Variants in TTI1 observed in about 807,000 individuals in gnomAD.
TTI1 encodes the protein TELO2-interacting protein 1 homolog.
A neutral mutation model predicts 85.4 loss-of-function variants in TTI1; 52 were observed. The ratio of observed to expected loss-of-function variants is 0.61; its 90% confidence interval spans 0.49 to 0.77. TTI1 has a LOEUF of 0.77. TTI1 is among the 30% of genes least tolerant of loss of function. The pLI is 0.00. For synonymous variants in TTI1, 512 were observed against 503.9 expected, an observed-to-expected ratio of 1.02 and a Z score of -0.22; for missense variants, 1,173 against 1,296.0, an observed-to-expected ratio of 0.91 and a Z score of 1.46.
intron 5 of TTI1, 23 bp downstream of exon 5, chr20:37,999,165 C>G: frequency 7.2e-7 from 1 of 1,387,592 alleles, no homozygotes; most frequent in South Asian, 1.9e-5. Context: ...CACAACAGAC[C>G]ATGGGGGATG....
intron 1 of TTI1, among the ~76,000 whole-genome samples, chr20:38,020,323 A>AAAAAAAAATATATAT: frequency 2.0e-4 from 10 of 50,384 alleles, no homozygotes; most frequent in African/African-American, 3.6e-4. Context: ...AAAAAAAAAA[A>AAAAAAAAATATATAT]ATATATATAT....
intron 7 of TTI1, chr20:37,987,427 C>CT (rs766594795): frequency 1.5e-4 from 67 of 437,484 alleles, no homozygotes; most frequent in Non-Finnish European, 2.7e-4. Flanking sequence ...CCAGTTCCAT[C>CT]TTTTTTCAAA....
At chr20:38,031,519 C>T (rs1363370086) in intron 1 of TTI1, among the ~76,000 whole-genome samples, 5 of 152,246 alleles carry the variant, frequency 3.3e-5, no homozygotes, top group Admixed American at 6.5e-5. Context: ...TACACATATA[C>T]ATTCCTTATC....
At chr20:38,011,449 C>G (rs150842586) in intron 2 of TTI1, 66 bp downstream of exon 2, 5 of 1,544,722 alleles carry the variant, frequency 3.2e-6, no homozygotes, top group Non-Finnish European at 4.4e-6. Context: ...AAAAACGAGG[C>G]TAAGCAAACT....
At chr20:38,003,701 G>A (rs967572611) in intron 3 of TTI1, among the ~76,000 whole-genome samples, 7 of 150,682 alleles carry the variant, frequency 4.6e-5, no homozygotes, top group Non-Finnish European at 1.0e-4. Flanking sequence ...GCAATGAGCC[G>A]AGATCGTGCC....
At chr20:37,985,947 C>T (rs903782674) in intron 7 of TTI1, among the ~76,000 whole-genome samples, 2 of 152,150 alleles carry the variant, frequency 1.3e-5, no homozygotes, top group African/African-American at 2.4e-5. Context: ...TCTAATTCAT[C>T]GTTTCCACTT....
chr20:38,006,432 A>G (rs2073501230), intron 2 of TTI1, 35 bp from the exon 3 acceptor site: 1 of 1,610,704 alleles, frequency 6.2e-7, no homozygotes, highest in South Asian at 1.1e-5. Context: ...CACCTTGGCT[A>G]TTAACAACAG....
intron 7 of TTI1, among the ~76,000 whole-genome samples, chr20:37,994,003 T>A (rs1250655427): frequency 6.6e-6 from 1 of 152,102 alleles, no homozygotes; most frequent in Non-Finnish European, 1.5e-5. Context: ...ATTTTCCAAG[T>A]GAGGTAGGCG....
At chr20:37,985,664 A>T (rs2073181182) in intron 7 of TTI1, among the ~76,000 whole-genome samples, 1 of 151,796 alleles carries the variant, frequency 6.6e-6, no homozygotes, top group Non-Finnish European at 1.5e-5. Context: ...AGTAGCTGGG[A>T]TTACAGGCAT....
intron 1 of TTI1, among the ~76,000 whole-genome samples, chr20:38,026,049 G>C (rs1466445810): frequency 6.6e-6 from 1 of 152,182 alleles, no homozygotes; most frequent in African/African-American, 2.4e-5. Context: ...AAGAAGCTGA[G>C]TGAACCCCAA....
chr20:37,998,194 C>T (rs1357943843), intron 5 of TTI1, among the ~76,000 whole-genome samples: 1 of 152,162 alleles, frequency 6.6e-6, no homozygotes, highest in Non-Finnish European at 1.5e-5. Flanking sequence ...TCCCAAAGTG[C>T]TGGGATTACA....
intron 2 of TTI1, among the ~76,000 whole-genome samples, chr20:38,009,627 A>G (rs2073552811): frequency 6.6e-6 from 1 of 151,852 alleles, no homozygotes; most frequent in Non-Finnish European, 1.5e-5. Flanking sequence ...CTACCTCCCA[A>G]GTAGCTGGAA....
At chr20:38,022,498 T>C (rs2073783206) in intron 1 of TTI1, among the ~76,000 whole-genome samples, 1 of 152,238 alleles carries the variant, frequency 6.6e-6, no homozygotes, top group East Asian at 1.9e-4. Flanking sequence ...CAATAAATGC[T>C]CATTGAATTA....
intron 1 of TTI1, among the ~76,000 whole-genome samples, chr20:38,029,754 G>C (rs1198249696): frequency 6.6e-6 from 1 of 152,164 alleles, no homozygotes; most frequent in African/African-American, 2.4e-5. Flanking sequence ...CCAATGTATT[G>C]AGAAGTGGAG....
rs73905522 is a variant in TTI1 at position 38,006,216 on chromosome 20, C to T, written c.2484G>A (p.Ser828=). The change falls in exon 3 of 8, where the codon TCG becomes TCA. Residue 828 remains serine, a synonymous_variant. Transcript: ENST00000373447. ...AGTTACCTTCTTCATTATCAAAATCCGAGACATTTCCATCTGCCACATCCT... is the reference window on the plus strand; with the variant it reads ...AGTTACCTTCTTCATTATCAAAATCTGAGACATTTCCATCTGCCACATCCT... ...KEKDVADGNV[S]DFDNEEEEQS... 5,252 of 1,614,104 alleles carry T rather than the reference C, an allele frequency of 3.3e-3. 45 individuals are homozygous for T. Among genetic ancestry groups the T allele is most frequent in the African/African-American group, 0.019 (1,401 of 75,016 alleles).
intron 2 of TTI1, among the ~76,000 whole-genome samples, chr20:38,006,969 T>C (rs2073510281): frequency 6.6e-6 from 1 of 152,246 alleles, no homozygotes; most frequent in Non-Finnish European, 1.5e-5. Flanking sequence ...CATTTTTGTA[T>C]GACAGGGTTC....
rs1474307619 is a variant in TTI1 at position 38,011,891 on chromosome 20, T to A, written c.1926A>T (p.Gly642=). Residue 642 remains glycine (G), a synonymous_variant, in exon 2 of 8, where the codon GGA becomes GGT. Coordinates refer to ENST00000373447, the MANE Select transcript of TTI1 (RefSeq NM_001303457.2). ...EGIGQFAYAL[G]KDFCLLLMSA... ...ACATCAAGAGCAAACAGAAGTCTTT[T>A]CCTAGTGCATATGCAAACTGGCCAA... is the stretch of plus-strand genomic sequence containing the variant. The A allele has an allele frequency of 6.2e-7, 1 of 1,614,228 alleles. No homozygotes were observed.
intron 3 of TTI1, among the ~76,000 whole-genome samples, chr20:38,003,986 G>A (rs2055633271): frequency 6.6e-6 from 1 of 152,180 alleles, no homozygotes; most frequent in South Asian, 2.1e-4. Flanking sequence ...GCAGCTTGGT[G>A]TAGTTCATAG....
chr20:38,025,739 G>A (rs1267880459), intron 1 of TTI1, among the ~76,000 whole-genome samples: 1 of 151,830 alleles, frequency 6.6e-6, no homozygotes, highest in African/African-American at 2.4e-5. Context: ...AGAAAGCCTC[G>A]AAAAAGAAAA....
Sources: allele counts gnomAD v4.1 joint callset (sites outside exome capture counted in the v4.1 genomes callset), GRCh38; gene constraint gnomAD v4.1.1; transcripts MANE v1.5; gene names NCBI Gene and HGNC (gene_info 2026-07-23, HGNC 2026-07-21).